The following FMNL3 variants were observed in gnomAD, a reference collection of about 807,000 sequenced individuals.
FMNL3 encodes the protein formin-like protein 3.
FMNL3 carries 57 observed loss-of-function variants against 119.6 expected under a neutral mutation model. The ratio of observed to expected loss-of-function variants is 0.48; its 90% CI spans 0.39 to 0.59. FMNL3 has a LOEUF of 0.59. Ranked by LOEUF, FMNL3 falls within the 20% of genes least tolerant of loss-of-function variation. The pLI, the probability that FMNL3 is intolerant of heterozygous loss-of-function variation, is 0.00. For synonymous variants in FMNL3, 491 were observed against 507.3 expected, an observed-to-expected ratio of 0.97 and a Z score of 0.43; for missense variants, 1,053 against 1,323.5, an observed-to-expected ratio of 0.80 and a Z score of 3.17.
Position 49,649,942 on chromosome 12 carries a change from G to A in FMNL3, c.2001-17C>T, listed in dbSNP as rs773332311. The A allele has an allele frequency of 1.3e-6, 2 of 1,598,170 alleles. No homozygotes were observed. The highest frequency in any genetic ancestry group is 2.2e-5 in the South Asian group (2 of 90,384). ...AAGTCAAACCTGTGGAGGAGGGAGG[G>A]ACCACCTCAGTTCTCACATCTCTCC... On this transcript the variant is annotated splice_polypyrimidine_tract_variant and intron_variant, in intron 17 of 25. Transcript: ENST00000335154. The surrounding 1 kb of genome is among the most constrained non-coding windows in gnomAD (Gnocchi z 5.6).
At chr12:49,677,100 A>T (rs1446274528) in intron 1 of FMNL3, among the ~76,000 whole-genome samples, 1 of 152,146 alleles carries the variant, frequency 6.6e-6, no homozygotes, top group Non-Finnish European at 1.5e-5. Flanking sequence ...ATTGCCAGCC[A>T]TGCTCCTCCT....
intron 1 of FMNL3, among the ~76,000 whole-genome samples, chr12:49,697,814 A>G (rs1428362973): frequency 6.6e-6 from 1 of 152,184 alleles, no homozygotes; most frequent in African/African-American, 2.4e-5. Flanking sequence ...AAAGGATGAA[A>G]TTGACTCAGA....
At chr12:49,654,354 C>G (rs1943505087) in intron 10 of FMNL3, 52 bp from the exon 11 acceptor site, 2 of 1,492,320 alleles carry the variant, frequency 1.3e-6, no homozygotes, top group Non-Finnish European at 1.9e-6. Flanking sequence ...AGAGGAAAGG[C>G]AAGAGACCAG....
chr12:49,660,109 T>A (rs530045290), intron 5 of FMNL3, among the ~76,000 whole-genome samples: 141 of 152,368 alleles, frequency 9.3e-4, no homozygotes, highest in Non-Finnish European at 1.5e-3. Flanking sequence ...GCTGATTCCA[T>A]CAGTAACACT....
At position 49,637,236 on chromosome 12, in the gene FMNL3, C is replaced by T. The variant is rs878880900; in HGVS notation, c.*8579G>A. On this transcript the variant is annotated 3_prime_UTR_variant, in exon 26 of 26. Transcript: ENST00000335154. Reference sequence around the variant, plus strand: ...GGCAGGTTTCTGTTTCTTTGCATCCCGGGACTGGCTTGTTCTCACCTTTTT... The same window carrying T: ...GGCAGGTTTCTGTTTCTTTGCATCCTGGGACTGGCTTGTTCTCACCTTTTT... The T allele has an allele frequency of 2.4e-5, 14 of 577,126 alleles. No individual in the cohort carries two copies. In the East Asian group the frequency reaches 2.6e-4, roughly 11 times the overall value. 35.8% of individuals were successfully genotyped at this position (577,126 alleles called of 1,614,324 possible). A position where few individuals can be genotyped will look rare whatever the true frequency, so the allele number is the denominator to read the frequency against.
intron 1 of FMNL3, among the ~76,000 whole-genome samples, chr12:49,686,596 A>AG (rs1260787952): frequency 2.6e-5 from 4 of 151,126 alleles, no homozygotes; most frequent in Non-Finnish European, 5.9e-5. Flanking sequence ...AAAAAAAAAA[A>AG]AAAAGTATTG....
In FMNL3 at chr12:49,637,270, CCTCT is replaced by C; in HGVS notation, c.*8541_*8544del. 2 of 595,118 alleles carry C rather than the reference CCTCT, an allele frequency of 3.4e-6. No individual in the cohort carries two copies. The highest frequency in any genetic ancestry group is 3.0e-6 in the Non-Finnish European group (1 of 333,716). The allele number at this position is 595,118 out of a possible 1,614,324, so 36.9% of individuals were successfully genotyped here. On this transcript the variant is annotated 3_prime_UTR_variant, in exon 26 of 26. Transcript: ENST00000335154. ...CTTGTTCTCACCTTTTTGTTCTGTC[CCTCT>C]CTGTGTATTTACTTTCTCTCTTTTT...
chr12:49,657,185 C>G lies in FMNL3; in HGVS notation c.611G>C (p.Ser204Thr). The part of the protein sequence containing the change: ...RSARQSVLRY[S>T]TLPGRRALKN... ...CAGGGCCCTGCGCCCAGGGAGAGTG[C>G]TATACCTGGGGAGATGGGCCAGGCA... The change falls in exon 7 of 26, where the codon AGC becomes ACC. Residue 204 changes from serine (S) to threonine (T), a missense_variant. By Grantham distance (58) the Ser-to-Thr change is moderately conservative. Around this residue, in one of 4 missense-constraint regions of FMNL3, gnomAD observed 264 missense variants for 265.5 expected, o/e 0.99. Transcript: ENST00000335154. The G allele has an allele frequency of 6.2e-7, 1 of 1,613,710 alleles. No homozygotes were observed. The highest frequency in any genetic ancestry group is 8.5e-7 in the Non-Finnish European group (1 of 1,179,752).
At chr12:49,669,157 T>C (rs1000173867) in intron 1 of FMNL3, among the ~76,000 whole-genome samples, 18 of 152,214 alleles carry the variant, frequency 1.2e-4, no homozygotes, top group Non-Finnish European at 8.8e-5. Flanking sequence ...AACATTAGCA[T>C]GAAGATAACT....
chr12:49,693,380 T>G (rs1944659048), intron 1 of FMNL3, among the ~76,000 whole-genome samples: 1 of 151,804 alleles, frequency 6.6e-6, no homozygotes, highest in Non-Finnish European at 1.5e-5. Context: ...TTTTTTCACT[T>G]TTTGTTGTTT....
intron 1 of FMNL3, among the ~76,000 whole-genome samples, chr12:49,692,145 G>A (rs1028750010): frequency 1.3e-5 from 2 of 150,904 alleles, no homozygotes; most frequent in African/African-American, 2.4e-5. Flanking sequence ...TTGAGCCCAT[G>A]AGTTCAAGAA....
chr12:49,706,967 C>T, intron 1 of FMNL3, 88 bp downstream of exon 1: 2 of 1,329,656 alleles, frequency 1.5e-6, no homozygotes, highest in Non-Finnish European at 2.0e-6. Flanking sequence ...AAAGGGTGGG[C>T]GGGACGGGGG....
Position 49,636,666 on chromosome 12 carries a change from G to C in FMNL3, c.*9149C>G, listed in dbSNP as rs775846220. On this transcript the variant is annotated 3_prime_UTR_variant, in exon 26 of 26. Transcript: ENST00000335154. ...AAACATTAGGGGTGCTGGGGTCTGA[G>C]AGGGTATCCTGCTGGGACAATGCCC... is the stretch of plus-strand genomic sequence containing the variant. 6.2e-7 allele frequency: 1 copy of C among 1,609,986 alleles called. No homozygotes were observed. The highest frequency in any genetic ancestry group is 8.5e-7 in the Non-Finnish European group (1 of 1,176,828).
At chr12:49,679,606 A>C (rs1247941832) in intron 1 of FMNL3, among the ~76,000 whole-genome samples, 1 of 140,718 alleles carries the variant, frequency 7.1e-6, no homozygotes, top group East Asian at 2.1e-4. Flanking sequence ...GGCTCACTGC[A>C]GCCTCGACCT....
intron 1 of FMNL3, among the ~76,000 whole-genome samples, chr12:49,702,044 C>T (rs962878019): frequency 6.6e-6 from 1 of 152,166 alleles, no homozygotes; most frequent in Non-Finnish European, 1.5e-5. Flanking sequence ...TGGCTCATGC[C>T]TAAAATCCCA....
rs763415264 is a variant in FMNL3 at position 49,653,303 on chromosome 12, C to T, written c.1246G>A (p.Glu416Lys). The T allele has an allele frequency of 6.2e-7, 1 of 1,614,042 alleles. No individual in the cohort carries two copies. The highest frequency in any genetic ancestry group is 8.5e-7 in the Non-Finnish European group (1 of 1,180,048). Residue 416 changes from glutamate (E) to lysine (K), a missense_variant, in exon 13 of 26, where the codon GAG becomes AAG. This residue lies in a region of FMNL3 where 445 missense variants were observed against 628.4 expected (regional missense o/e 0.71). Transcript: ENST00000335154. ...SHLTEKLLDL[E>K]NENMMRVAEL... Reference sequence around the variant, plus strand: ...GCCACCCGCATCATGTTTTCATTCTCTAGGTCCAGAAGCTTCTCTGTGAGC... The same window carrying T: ...GCCACCCGCATCATGTTTTCATTCTTTAGGTCCAGAAGCTTCTCTGTGAGC...
chr12:49,636,598 C>A lies in FMNL3; in HGVS notation c.*9217G>T. On this transcript the variant is annotated 3_prime_UTR_variant, in exon 26 of 26. Transcript: ENST00000335154. ...CAGAGCCCCCTCCAGGCCCTTCCCCCACCACCCTGGGTATCCCTAGCACCT... is the reference window on the plus strand; with the variant it reads ...CAGAGCCCCCTCCAGGCCCTTCCCCAACCACCCTGGGTATCCCTAGCACCT... The A allele has an allele frequency of 2.8e-6, 4 of 1,439,730 alleles. No individual in the cohort carries two copies. The highest frequency in any genetic ancestry group is 3.8e-6 in the Non-Finnish European group (4 of 1,050,374). The allele number at this position is 1,439,730 out of a possible 1,614,324, so 89.2% of individuals were successfully genotyped here.
chr12:49,657,287 C>T, intron 6 of FMNL3, 97 bp from the exon 7 acceptor site: 1 of 915,820 alleles, frequency 1.1e-6, no homozygotes, highest in Non-Finnish European at 1.7e-6. Context: ...TGCCCCTTAG[C>T]AGTGGCAAAA....
chr12:49,645,453 G>GA lies in FMNL3; in HGVS notation c.*361dup, dbSNP rs879092226. The GA allele has an allele frequency of 8.1e-4, 161 of 199,236 alleles. No homozygotes were observed. Among genetic ancestry groups the GA allele is most frequent in the Middle Eastern group, 1.7e-3 (1 of 588 alleles). 12.3% of individuals were successfully genotyped at this position (199,236 alleles called of 1,614,324 possible). On this transcript the variant is annotated 3_prime_UTR_variant, in exon 26 of 26. Transcript: ENST00000335154. Reference sequence around the variant, plus strand: ...GACCATGGGCCTGCAAAAAGGAAGGGAAAAAAAAAGAAAGAACAGTTGCTC... The same window carrying GA: ...GACCATGGGCCTGCAAAAAGGAAGGGAAAAAAAAAAGAAAGAACAGTTGCTC...
Sources: allele counts gnomAD v4.1 joint callset (sites outside exome capture counted in the v4.1 genomes callset), GRCh38; gene constraint gnomAD v4.1.1; regional missense constraint gnomAD v4.1.1; non-coding constraint Gnocchi (gnomAD v3.1); transcripts MANE v1.5; gene names NCBI Gene and HGNC (gene_info 2026-07-23, HGNC 2026-07-21).